The following ROBO1 variants were observed in gnomAD, a reference collection of about 807,000 sequenced individuals.
ROBO1 encodes roundabout homolog 1.
In ROBO1, 149 loss-of-function variants were observed where a neutral mutation model predicts 195.9. That is an observed-to-expected ratio of 0.76 (90% CI 0.67 to 0.87). ROBO1 has a LOEUF of 0.87. Ranked by LOEUF, ROBO1 falls within the 40% of genes least tolerant of loss-of-function variation. ROBO1 has a pLI of 0.00. For synonymous variants in ROBO1, 816 were observed against 733.2 expected (o/e 1.11, Z -1.82); for missense variants, 1,933 against 2,068.3 (o/e 0.93, Z 1.27).
intron 2 of ROBO1, among the ~76,000 whole-genome samples, chr3:79,184,523 C>G (rs181033226): frequency 6.6e-6 from 1 of 152,136 alleles, no homozygotes; most frequent in East Asian, 1.9e-4. Context: ...GAAATTCCAT[C>G]TGGGTGAAAA....
At chr3:78,671,662 T>G (rs1269492902) in intron 10 of ROBO1, among the ~76,000 whole-genome samples, 2 of 152,060 alleles carry the variant, frequency 1.3e-5, no homozygotes, top group South Asian at 2.1e-4. Flanking sequence ...GCATTTCCAC[T>G]CTACTCTTCC....
At chr3:78,916,863 G>A (rs1467358032) in intron 4 of ROBO1, among the ~76,000 whole-genome samples, 1 of 152,088 alleles carries the variant, frequency 6.6e-6, no homozygotes, top group Admixed American at 6.5e-5. Context: ...AAGCCCATAT[G>A]GTGGCTAAAA....
chr3:78,769,985 G>T (rs2108420066), intron 4 of ROBO1, among the ~76,000 whole-genome samples: 1 of 152,204 alleles, frequency 6.6e-6, no homozygotes, highest in East Asian at 1.9e-4. Flanking sequence ...TTTTCCTGGT[G>T]CTTCTGTCTC....
intron 10 of ROBO1, among the ~76,000 whole-genome samples, chr3:78,679,442 C>T (rs2080832129): frequency 6.6e-6 from 1 of 152,146 alleles, no homozygotes; most frequent in Admixed American, 6.5e-5. Flanking sequence ...TGTCTCAGCC[C>T]AAAATCTCCT....
chr3:79,084,736 C>T (rs533612043), intron 3 of ROBO1, among the ~76,000 whole-genome samples: 5 of 152,090 alleles, frequency 3.3e-5, no homozygotes, highest in African/African-American at 7.2e-5. Flanking sequence ...CCAGAATCCA[C>T]GCTCTTACCC....
rs1379570362 is a variant in ROBO1 at position 78,668,044 on chromosome 3, G to T, written c.1805C>A (p.Ala602Glu). The T allele has an allele frequency of 1.9e-6, 3 of 1,613,532 alleles. No homozygotes were observed. Among genetic ancestry groups the T allele is most frequent in the Admixed American group, 1.7e-5 (1 of 59,926 alleles). Residue 602 changes from alanine (A) to glutamate (E), a missense_variant, in exon 14 of 31, where the codon GCA becomes GAA. By Grantham distance (107) the Ala-to-Glu change is moderately radical (BLOSUM62 -1). Coordinates refer to ENST00000464233, the MANE Select transcript of ROBO1 (RefSeq NM_002941.4). ...TSYIIEAFSH[A>E]SGSSWQTVAE... ...TACGGTCTGCCAGCTGCTACCAGAT[G>T]CATGGCTAAGGATAGACACACAGGT... is the stretch of plus-strand genomic sequence containing the variant.
Position 79,380,121 on chromosome 3 carries a change from C to T in ROBO1, c.88+209703G>A, listed in dbSNP as rs540911498. ...CTCAATCTCATTCTATTACTCCATG[C>T]ATCATGTGATCTCCTTTCAACTTTC... On this transcript the variant is annotated intron_variant, in intron 2 of 30. Coordinates refer to ENST00000464233, the MANE Select transcript of ROBO1 (RefSeq NM_002941.4). Among the ~76,000 whole-genome samples, 3 of 152,268 alleles carry T rather than the reference C, an allele frequency of 2.0e-5. No individual in the cohort carries two copies. In the East Asian group the frequency reaches 5.8e-4, roughly 29 times the overall value.
intron 2 of ROBO1, among the ~76,000 whole-genome samples, chr3:79,409,791 T>C (rs1192993042): frequency 6.6e-6 from 1 of 152,162 alleles, no homozygotes; most frequent in South Asian, 2.1e-4. Flanking sequence ...GGATATCTTA[T>C]AGCTCAGTCA....
intron 3 of ROBO1, among the ~76,000 whole-genome samples, chr3:79,086,615 G>T (rs541947808): frequency 6.6e-6 from 1 of 152,116 alleles, no homozygotes; most frequent in East Asian, 1.9e-4. Flanking sequence ...AAACTACAGG[G>T]TCTCCACAAG....
chr3:78,611,875 G>A (rs1003350741), intron 28 of ROBO1, among the ~76,000 whole-genome samples: 40 of 152,140 alleles, frequency 2.6e-4, no homozygotes, highest in African/African-American at 6.3e-4. Flanking sequence ...GAAGATGGCC[G>A]TCTCCCAGCC....
chr3:78,622,979 C>T (rs1704544697), intron 26 of ROBO1, among the ~76,000 whole-genome samples: 1 of 152,176 alleles, frequency 6.6e-6, no homozygotes, highest in African/African-American at 2.4e-5. Flanking sequence ...ATGAATTGTC[C>T]AGCTGAATCC....
At chr3:78,858,604 T>C (rs1439703275) in intron 4 of ROBO1, among the ~76,000 whole-genome samples, 3 of 148,750 alleles carry the variant, frequency 2.0e-5, no homozygotes, top group East Asian at 2.0e-4. Context: ...AGAAAAATTA[T>C]CTGGGCATGG....
At chr3:78,889,473 T>C (rs887135215) in intron 4 of ROBO1, among the ~76,000 whole-genome samples, 1 of 152,216 alleles carries the variant, frequency 6.6e-6, no homozygotes, top group Non-Finnish European at 1.5e-5. Flanking sequence ...GGTACACTCA[T>C]AGAAACGTGA....
intron 4 of ROBO1, among the ~76,000 whole-genome samples, chr3:78,909,178 G>A (rs749911525): frequency 5.9e-5 from 9 of 151,522 alleles, no homozygotes; most frequent in Non-Finnish European, 1.0e-4. Flanking sequence ...AGTTGCCTAC[G>A]CCCTGCGAGA....
chr3:79,070,900 G>A (rs1314606562), intron 3 of ROBO1, among the ~76,000 whole-genome samples: 1 of 151,326 alleles, frequency 6.6e-6, no homozygotes, highest in Non-Finnish European at 1.5e-5. Flanking sequence ...TTTTTATACT[G>A]ACTTTTAAAA....
At chr3:78,999,157 T>A (rs2077437197) in intron 3 of ROBO1, among the ~76,000 whole-genome samples, 1 of 152,052 alleles carries the variant, frequency 6.6e-6, no homozygotes, top group Non-Finnish European at 1.5e-5. Context: ...AAAAAAAGTT[T>A]GGAGATTTTT....
intron 2 of ROBO1, among the ~76,000 whole-genome samples, chr3:79,308,082 A>G (rs2033305315): frequency 6.6e-6 from 1 of 152,174 alleles, no homozygotes; most frequent in Non-Finnish European, 1.5e-5. Flanking sequence ...CCATCTTTAT[A>G]TCAGGTTACA....
intron 1 of ROBO1, among the ~76,000 whole-genome samples, chr3:79,744,458 C>A (rs1037435961): frequency 6.6e-6 from 1 of 152,054 alleles, no homozygotes; most frequent in African/African-American, 2.4e-5. Context: ...AAGGTAGGGC[C>A]TTTGGGAGCT....
chr3:78,902,801 G>C (rs1202381335), intron 4 of ROBO1, among the ~76,000 whole-genome samples: 2 of 152,092 alleles, frequency 1.3e-5, no homozygotes, highest in African/African-American at 4.8e-5. Context: ...CCCAGATCGT[G>C]CCATTGCACT....
Sources: gnomAD v4.1 joint callset for allele counts (sites outside exome capture counted in the v4.1 genomes callset) on GRCh38, gnomAD v4.1.1 for gene constraint, MANE v1.5 for transcripts, NCBI Gene and HGNC (gene_info 2026-07-23, HGNC 2026-07-21) for gene names.